The following DACH2 variants were observed in gnomAD, a reference collection of about 807,000 sequenced individuals.
DACH2 encodes dachshund homolog 2.
DACH2 carries 17 observed loss-of-function variants against 35.8 expected under a neutral mutation model. The ratio of observed to expected loss-of-function variants is 0.48; its 90% confidence interval spans 0.33 to 0.71. The LOEUF (loss-of-function observed/expected upper bound fraction) is 0.71, where lower values mean the gene tolerates loss of function less well. DACH2 is among the 30% of genes least tolerant of loss of function. DACH2 has a pLI of 0.02. For synonymous variants in DACH2, 195 were observed against 177.3 expected (o/e 1.10, Z -0.79); for missense variants, 469 against 472.7 (o/e 0.99, Z 0.07).
At chrX:86,667,808 A>C (rs1367211035) in intron 4 of DACH2, among the ~76,000 whole-genome samples, 2 of 112,164 alleles carry the variant, frequency 1.8e-5, no homozygotes, top group Non-Finnish European at 3.8e-5. Flanking sequence ...GATCTCCATG[A>C]GCTATATGGC....
intron 7 of DACH2, among the ~76,000 whole-genome samples, chrX:86,797,576 T>G (rs1213084736): frequency 2.7e-5 from 3 of 111,531 alleles, no homozygotes; most frequent in African/African-American, 9.7e-5. Context: ...CAATAGTAAG[T>G]AAAGGAATTT....
chrX:86,630,103 T>C lies in DACH2; in HGVS notation c.641-20933T>C, dbSNP rs924959206. Among the ~76,000 whole-genome samples the C allele has an allele frequency of 3.6e-5, 4 of 111,270 alleles. No individual in the cohort carries two copies. The South Asian group carries it at 1.5e-3, about 42-fold the overall frequency. On this transcript the variant is annotated intron_variant, in intron 3 of 11. Transcript: ENST00000373125. ...ATTTAGTGCAGCATTTCTCAAACTG[T>C]GTTCTACAGAGTTTTAGTATCTTTA... is the stretch of plus-strand genomic sequence containing the variant.
chrX:86,464,377 G>A lies in DACH2; in HGVS notation c.528-49902G>A, dbSNP rs186129357. The stretch of plus-strand genomic sequence containing the variant: ...AGTTCATGTCCTTTGCAGGGACATG[G>A]ATGAAGCTGGAAGCCATGATTCTCA... On this transcript the variant is annotated intron_variant, in intron 2 of 11. Coordinates refer to ENST00000373125, the MANE Select transcript of DACH2 (RefSeq NM_053281.3). Among the ~76,000 whole-genome samples, 24 of 111,300 alleles carry A rather than the reference G, an allele frequency of 2.2e-4. 1 individual carries two copies. In the East Asian group the frequency reaches 6.2e-3, roughly 29 times the overall value.
intron 2 of DACH2, among the ~76,000 whole-genome samples, chrX:86,446,380 G>T (rs2037278432): frequency 1.3e-5 from 1 of 74,436 alleles, no homozygotes; most frequent in Non-Finnish European, 2.5e-5. Context: ...TGCCATGCTG[G>T]TGCGCTGCAC....
intron 3 of DACH2, among the ~76,000 whole-genome samples, chrX:86,587,839 T>G (rs1459025344): frequency 3.6e-5 from 4 of 112,087 alleles, no homozygotes; most frequent in Non-Finnish European, 7.5e-5. Flanking sequence ...ACTTTCTTTA[T>G]AGTTTGTTTT....
chrX:86,701,683 C>A (rs912047275), intron 5 of DACH2, among the ~76,000 whole-genome samples: 2 of 111,874 alleles, frequency 1.8e-5, no homozygotes, highest in African/African-American at 6.5e-5. Context: ...TACTACACAG[C>A]CATAAAACAG....
intron 1 of DACH2, among the ~76,000 whole-genome samples, chrX:86,296,053 T>A (rs1339270371): frequency 1.8e-5 from 2 of 111,075 alleles, no homozygotes; most frequent in Non-Finnish European, 3.8e-5. Flanking sequence ...ATAATTTAAC[T>A]TTTTTACCAA....
intron 1 of DACH2, among the ~76,000 whole-genome samples, chrX:86,224,692 T>G (rs774265978): frequency 1.8e-5 from 2 of 111,672 alleles, no homozygotes; most frequent in Non-Finnish European, 3.8e-5. Context: ...AGGATTTTTT[T>G]AAACTAGTTC....
chrX:86,279,160 C>T (rs757522473), intron 1 of DACH2, among the ~76,000 whole-genome samples: 146 of 112,235 alleles, frequency 1.3e-3, no homozygotes, highest in Non-Finnish European at 2.3e-3. Context: ...CTGAAGAGAG[C>T]AGCCGATGTC....
At chrX:86,153,355 A>G (rs951667113) in intron 1 of DACH2, among the ~76,000 whole-genome samples, 2 of 111,531 alleles carry the variant, frequency 1.8e-5, no homozygotes, top group African/African-American at 6.5e-5. Flanking sequence ...ATATCAAAGC[A>G]CATTTTACAA....
At chrX:86,726,837 T>A (rs1308150524) in intron 6 of DACH2, among the ~76,000 whole-genome samples, 3 of 111,735 alleles carry the variant, frequency 2.7e-5, no homozygotes, top group African/African-American at 9.8e-5. Flanking sequence ...TCCAGGAGCT[T>A]TTCTTGGTCC....
intron 2 of DACH2, among the ~76,000 whole-genome samples, chrX:86,432,965 A>C (rs1432272697): frequency 3.6e-5 from 4 of 111,583 alleles, no homozygotes; most frequent in Non-Finnish European, 5.7e-5. Flanking sequence ...AAATACATGG[A>C]CTATGGACCC....
At chrX:86,459,460 C>T in intron 2 of DACH2, among the ~76,000 whole-genome samples, 2 of 111,780 alleles carry the variant, frequency 1.8e-5, no homozygotes, top group Middle Eastern at 9.2e-3. Context: ...ATGTTTTAGG[C>T]TTTATCTGTT....
intron 4 of DACH2, among the ~76,000 whole-genome samples, chrX:86,654,226 A>G (rs1312489687): frequency 9.7e-6 from 1 of 103,385 alleles, no homozygotes; most frequent in Non-Finnish European, 2.0e-5. Context: ...GCAATTAAAG[A>G]TGGTTTTAGG....
At chrX:86,338,483 A>G (rs1321297205) in intron 1 of DACH2, among the ~76,000 whole-genome samples, 3 of 111,842 alleles carry the variant, frequency 2.7e-5, no homozygotes, top group African/African-American at 9.8e-5. Flanking sequence ...TAAACAACAA[A>G]ATTAAGGCAT....
chrX:86,287,023 A>T (rs141349953), intron 1 of DACH2, among the ~76,000 whole-genome samples: 2 of 111,064 alleles, frequency 1.8e-5, no homozygotes, highest in African/African-American at 6.6e-5. Context: ...TTTGTTTCTC[A>T]TTGAAAGACT....
intron 1 of DACH2, among the ~76,000 whole-genome samples, chrX:86,371,263 C>T (rs184616307): frequency 9.3e-4 from 103 of 110,838 alleles, no homozygotes; most frequent in African/African-American, 3.4e-3. Flanking sequence ...ATCTTCACCA[C>T]CACCCCATCC....
intron 1 of DACH2, among the ~76,000 whole-genome samples, chrX:86,156,956 C>T (rs1468545086): frequency 1.8e-5 from 2 of 111,179 alleles, no homozygotes; most frequent in African/African-American, 6.5e-5. Context: ...CTCCTCACCA[C>T]CCATTTAAAA....
chrX:86,796,040 C>T (rs1421722366), intron 7 of DACH2, among the ~76,000 whole-genome samples: 1 of 112,012 alleles, frequency 8.9e-6, no homozygotes, highest in Non-Finnish European at 1.9e-5. Context: ...CGGGTTGCCG[C>T]TGCTGGCTTG....
Sources: allele counts gnomAD v4.1 joint callset (sites outside exome capture counted in the v4.1 genomes callset), GRCh38; gene constraint gnomAD v4.1.1; transcripts MANE v1.5; gene names NCBI Gene and HGNC (gene_info 2026-07-23, HGNC 2026-07-21).